Variants in ERBB4 observed in about 807,000 individuals in gnomAD.
The protein encoded by ERBB4 is receptor tyrosine-protein kinase erbB-4.
A neutral mutation model predicts 158.0 loss-of-function variants in ERBB4; 42 were observed. That is an observed-to-expected ratio of 0.27 (90% CI 0.21 to 0.34). The LOEUF is 0.34. ERBB4 is among the 10% of genes least tolerant of loss of function. The pLI, the probability that ERBB4 is intolerant of heterozygous loss-of-function variation, is 1.00. For synonymous variants in ERBB4, 583 were observed against 558.7 expected (o/e 1.04, Z -0.61); for missense variants, 1,333 against 1,624.1 (o/e 0.82, Z 3.08).
At position 211,589,556 on chromosome 2, in the gene ERBB4, C is replaced by A. The variant is rs1171017178; in HGVS notation, c.2302-27468G>T. 2.0e-5 allele frequency among the ~76,000 whole-genome samples: 3 copies of A among 152,024 alleles called. No individual in the cohort carries two copies. In the East Asian group the frequency reaches 5.8e-4, roughly 29 times the overall value. ...TCTTCATTTTCCGTAACATCCACTC[C>A]CATACAAAAATGTTTTCAATCAGTT... is the stretch of plus-strand genomic sequence containing the variant. On this transcript the variant is annotated intron_variant, in intron 19 of 27. Coordinates refer to ENST00000342788, the MANE Select transcript of ERBB4 (RefSeq NM_005235.3).
At chr2:211,745,848 A>G (rs888941971) in intron 5 of ERBB4, among the ~76,000 whole-genome samples, 1 of 152,012 alleles carries the variant, frequency 6.6e-6, no homozygotes, top group Non-Finnish European at 1.5e-5. Context: ...TGAGATTTGT[A>G]TCTCTTGGCT....
intron 1 of ERBB4, among the ~76,000 whole-genome samples, chr2:212,183,658 C>A (rs890223901): frequency 2.6e-5 from 4 of 152,046 alleles, no homozygotes; most frequent in Non-Finnish European, 4.4e-5. Context: ...TTTTTTGCTA[C>A]ACTTTCAGTT....
chr2:211,789,280 G>A (rs1406365179), intron 3 of ERBB4, among the ~76,000 whole-genome samples: 2 of 152,084 alleles, frequency 1.3e-5, no homozygotes, highest in African/African-American at 2.4e-5. Context: ...AGAGATAGGG[G>A]ATTTCTTTTT....
At chr2:211,894,356 A>G (rs2079046314) in intron 3 of ERBB4, among the ~76,000 whole-genome samples, 1 of 147,474 alleles carries the variant, frequency 6.8e-6, no homozygotes, top group African/African-American at 2.5e-5. Flanking sequence ...TTGGGAATTG[A>G]ACAATGAGAT....
intron 2 of ERBB4, among the ~76,000 whole-genome samples, chr2:212,004,171 T>TA (rs1293920570): frequency 4.6e-5 from 7 of 152,260 alleles, no homozygotes; most frequent in African/African-American, 1.2e-4. Flanking sequence ...TTTGTAGAGC[T>TA]AAAAAAATTG....
At chr2:212,312,241 G>C (rs184883903) in intron 1 of ERBB4, among the ~76,000 whole-genome samples, 1 of 151,052 alleles carries the variant, frequency 6.6e-6, no homozygotes, top group African/African-American at 2.4e-5. Context: ...GGTGAAACTG[G>C]GGAATTCCTA....
intron 25 of ERBB4, among the ~76,000 whole-genome samples, chr2:211,399,247 A>G (rs2062984303): frequency 6.6e-6 from 1 of 152,200 alleles, no homozygotes; most frequent in Non-Finnish European, 1.5e-5. Context: ...TTAGACTATG[A>G]GTCTGTTTAG....
intron 13 of ERBB4, among the ~76,000 whole-genome samples, chr2:211,678,515 T>A (rs2072193584): frequency 6.6e-6 from 1 of 152,198 alleles, no homozygotes; most frequent in Non-Finnish European, 1.5e-5. Context: ...AGTATGTTTT[T>A]AAAAATGCAT....
At chr2:211,614,830 T>C (rs1390332775) in intron 19 of ERBB4, among the ~76,000 whole-genome samples, 1 of 152,004 alleles carries the variant, frequency 6.6e-6, no homozygotes, top group Non-Finnish European at 1.5e-5. Flanking sequence ...AAGAGAAACA[T>C]ACAAAGACTA....
At chr2:212,387,453 A>AT (rs34316082) in intron 1 of ERBB4, among the ~76,000 whole-genome samples, 23,897 of 128,726 alleles carry the variant, frequency 0.19, 2,136 homozygotes, top group South Asian at 0.28. Flanking sequence ...GTTAGAACAC[A>AT]TTTTTTTTTT....
intron 4 of ERBB4, among the ~76,000 whole-genome samples, chr2:211,764,675 C>A (rs1016126200): frequency 6.6e-6 from 1 of 152,116 alleles, no homozygotes; most frequent in African/African-American, 2.4e-5. Context: ...AGCCCATACT[C>A]TTAACCAATA....
intron 20 of ERBB4, among the ~76,000 whole-genome samples, chr2:211,468,917 CAAA>C (rs34611181): frequency 1.5e-5 from 2 of 135,186 alleles, no homozygotes; most frequent in Admixed American, 7.6e-5. Context: ...TCTTCTGCTT[CAAA>C]AAAAAAAAAA....
chr2:212,286,512 G>C (rs1386066883), intron 1 of ERBB4, among the ~76,000 whole-genome samples: 1 of 150,692 alleles, frequency 6.6e-6, no homozygotes, highest in Non-Finnish European at 1.5e-5. Flanking sequence ...TAACCTCTCT[G>C]AGCCTCAGTT....
At chr2:212,396,143 A>C (rs775414842) in intron 1 of ERBB4, among the ~76,000 whole-genome samples, 9 of 152,148 alleles carry the variant, frequency 5.9e-5, no homozygotes, top group Non-Finnish European at 1.0e-4. Context: ...TGTCTGGAAA[A>C]CATTGAAAAG....
rs373308672 is a variant in ERBB4 at position 212,538,473 on chromosome 2, C to A, written c.58G>T (p.Val20Phe). 13 of 1,613,828 alleles carry A rather than the reference C, an allele frequency of 8.1e-6. No homozygotes were observed. The highest frequency in any genetic ancestry group is 1.0e-5 in the Non-Finnish European group (12 of 1,179,854). Residue 20 changes from valine (V) to phenylalanine (F), a missense_variant, in exon 1 of 28, where the codon GTC becomes TTC. Coordinates refer to ENST00000342788, the MANE Select transcript of ERBB4 (RefSeq NM_005235.3). ...WVSLLVAAGT[V>F]QPSDSQSVCA... Reference sequence around the variant, plus strand: ...CCTGACTGAGAATCGCTGGGCTGGACGGTCCCCGCCGCCACGAGAAGGCTC... The same window carrying A: ...CCTGACTGAGAATCGCTGGGCTGGAAGGTCCCCGCCGCCACGAGAAGGCTC...
intron 3 of ERBB4, among the ~76,000 whole-genome samples, chr2:211,791,276 G>A (rs561013912): frequency 1.2e-4 from 18 of 152,036 alleles, no homozygotes; most frequent in Non-Finnish European, 2.2e-4. Flanking sequence ...TATCTAATAA[G>A]AGTACAAAAA....
intron 1 of ERBB4, among the ~76,000 whole-genome samples, chr2:212,448,954 G>T (rs184049577): frequency 2.2e-4 from 33 of 152,090 alleles, no homozygotes; most frequent in African/African-American, 6.0e-4. Context: ...TTTATGTTTA[G>T]CTTCATTGCC....
intron 2 of ERBB4, among the ~76,000 whole-genome samples, chr2:212,072,463 C>G (rs896245133): frequency 6.6e-6 from 1 of 151,908 alleles, no homozygotes; most frequent in Non-Finnish European, 1.5e-5. Context: ...TCTCTGACAG[C>G]TCCACCTGTT....
chr2:212,097,655 A>G (rs547694117), intron 2 of ERBB4, among the ~76,000 whole-genome samples: 1 of 152,232 alleles, frequency 6.6e-6, no homozygotes, highest in South Asian at 2.1e-4. Context: ...GGGGTAGCCA[A>G]TGAAAGATAA....
Sources: gnomAD v4.1 joint callset for allele counts (sites outside exome capture counted in the v4.1 genomes callset) on GRCh38, gnomAD v4.1.1 for gene constraint, MANE v1.5 for transcripts, NCBI Gene and HGNC (gene_info 2026-07-23, HGNC 2026-07-21) for gene names.